The following SHISA9 variants were observed in gnomAD, a reference collection of about 807,000 sequenced individuals.
SHISA9 encodes the protein shisa family member 9.
A neutral mutation model predicts 38.0 loss-of-function variants in SHISA9; 13 were observed. The observed-to-expected ratio is 0.34, with a 90% CI of 0.22 to 0.54. The LOEUF (loss-of-function observed/expected upper bound fraction) is 0.54. Ranked by LOEUF, SHISA9 falls within the 20% of genes least tolerant of loss-of-function variation. The pLI is 0.91. For missense variants in SHISA9, 538 were observed against 575.8 expected, an observed-to-expected ratio of 0.93 and a Z score of 0.67; for synonymous variants, 275 against 242.0, an observed-to-expected ratio of 1.14 and a Z score of -1.27.
chr16:13,048,179 T>C lies in SHISA9; in HGVS notation c.691+131364T>C, dbSNP rs373338766. 1.2e-4 allele frequency among the ~76,000 whole-genome samples: 18 copies of C among 152,372 alleles called. No individual in the cohort carries two copies. In the East Asian group the frequency reaches 3.3e-3, roughly 28 times the overall value. On this transcript the variant is annotated intron_variant, in intron 2 of 4. Transcript: ENST00000558583. ...TGCACAGCGTATAACTCATCTCTTA[T>C]TTGTTTTCCCATATACTCCTGTTTT...
At chr16:13,283,358 G>A in the SHISA9 span, among the ~76,000 whole-genome samples, 17 of 152,096 alleles carry the variant, frequency 1.1e-4, no homozygotes, top group Non-Finnish European at 2.4e-4. Context: ...TTACTCTAGT[G>A]TATTAATCTG....
At chr16:13,444,982 CTATATATATATATATATATATATATATA>C in the SHISA9 span, among the ~76,000 whole-genome samples, 261 of 106,278 alleles carry the variant, frequency 2.5e-3, 5 homozygotes, top group African/African-American at 7.6e-3. Flanking sequence ...CCATGCCTAG[CTATATATATATATATATATATATATATA>C]TATATATATA....
chr16:13,466,639 A>G, the SHISA9 span, among the ~76,000 whole-genome samples: 49,661 of 152,138 alleles, frequency 0.33, 8,262 homozygotes, highest in East Asian at 0.39. Flanking sequence ...TCAAAAATGA[A>G]GATTGTAACT....
At chr16:13,546,926 C>T in the SHISA9 span, among the ~76,000 whole-genome samples, 2 of 152,164 alleles carry the variant, frequency 1.3e-5, no homozygotes, top group Non-Finnish European at 1.5e-5. Context: ...CTCATCCATG[C>T]AACTCTCCAA....
At chr16:13,477,154 G>A in the SHISA9 span, among the ~76,000 whole-genome samples, 4 of 152,164 alleles carry the variant, frequency 2.6e-5, no homozygotes, top group East Asian at 7.7e-4. Context: ...CTTGTCGCTG[G>A]AGAAATAAAA....
chr16:13,022,724 C>T (rs1367041900), intron 2 of SHISA9, among the ~76,000 whole-genome samples: 1 of 152,104 alleles, frequency 6.6e-6, no homozygotes, highest in Admixed American at 6.6e-5. Flanking sequence ...GCCTAGGTGT[C>T]CCGAGTAGCA....
intron 2 of SHISA9, among the ~76,000 whole-genome samples, chr16:13,005,275 T>A (rs1276416096): frequency 6.6e-6 from 1 of 152,132 alleles, no homozygotes; most frequent in African/African-American, 2.4e-5. Context: ...GAGAGATTAC[T>A]CCTGGAGATT....
At chr16:13,166,699 C>G (rs994114011) in intron 2 of SHISA9, among the ~76,000 whole-genome samples, 1 of 152,098 alleles carries the variant, frequency 6.6e-6, no homozygotes, top group Non-Finnish European at 1.5e-5. Flanking sequence ...GAGAAGCTGT[C>G]AAAAGTGAAG....
Position 13,167,435 on chromosome 16 carries a change from C to T in SHISA9, c.692-35959C>T, listed in dbSNP as rs145477090. On this transcript the variant is annotated intron_variant, in intron 2 of 4. Transcript: ENST00000558583. ...CTGCTCCTTTCTTCTCCTTAGAACA[C>T]TCGCCTCCCTTGACTTGTGCCTCTT... 2.8e-3 allele frequency among the ~76,000 whole-genome samples: 430 copies of T among 152,316 alleles called. 7 individuals carry two copies. Among genetic ancestry groups the T allele is most frequent in the Admixed American group, 0.024 (374 of 15,296 alleles).
At chr16:13,474,972 G>A in the SHISA9 span, among the ~76,000 whole-genome samples, 7 of 152,182 alleles carry the variant, frequency 4.6e-5, no homozygotes, top group African/African-American at 1.7e-4. Flanking sequence ...CCAAGCTCAG[G>A]AGTTTTATTC....
the SHISA9 span, among the ~76,000 whole-genome samples, chr16:13,308,276 T>G: frequency 3.9e-5 from 6 of 151,914 alleles, no homozygotes; most frequent in Non-Finnish European, 8.8e-5. Context: ...GGAAAGAAGC[T>G]TGTCTGGTGT....
At chr16:13,455,945 C>T in the SHISA9 span, among the ~76,000 whole-genome samples, 1 of 152,116 alleles carries the variant, frequency 6.6e-6, no homozygotes, top group Non-Finnish European at 1.5e-5. Flanking sequence ...TTCTTGTGGC[C>T]TGGAATTGGA....
chr16:13,206,510 A>C (rs550562750), intron 3 of SHISA9, among the ~76,000 whole-genome samples: 1 of 152,318 alleles, frequency 6.6e-6, no homozygotes, highest in Non-Finnish European at 1.5e-5. Context: ...TCACAAAACA[A>C]GCATTTTGGT....
intron 2 of SHISA9, among the ~76,000 whole-genome samples, chr16:13,046,875 A>C (rs2073194181): frequency 6.6e-6 from 1 of 152,134 alleles, no homozygotes; most frequent in African/African-American, 2.4e-5. Flanking sequence ...CTTATGCTTC[A>C]GTAGCAGCAC....
At chr16:13,023,534 C>G (rs1345345465) in intron 2 of SHISA9, among the ~76,000 whole-genome samples, 2 of 152,166 alleles carry the variant, frequency 1.3e-5, no homozygotes, top group African/African-American at 2.4e-5. Flanking sequence ...GGTATATACC[C>G]AGTAATGGGA....
chr16:13,482,516 G>A, the SHISA9 span, among the ~76,000 whole-genome samples: 11 of 152,266 alleles, frequency 7.2e-5, no homozygotes, highest in East Asian at 3.9e-4. Flanking sequence ...GAGACACTTC[G>A]AGGCCAGGTG....
intron 1 of SHISA9, among the ~76,000 whole-genome samples, chr16:12,913,152 T>C (rs1015924658): frequency 6.6e-6 from 1 of 152,208 alleles, no homozygotes; most frequent in African/African-American, 2.4e-5. Context: ...TTTTAATATA[T>C]AGGTTGGTGC....
intron 2 of SHISA9, among the ~76,000 whole-genome samples, chr16:13,002,390 G>A (rs182682620): frequency 6.6e-5 from 10 of 152,202 alleles, no homozygotes; most frequent in Non-Finnish European, 1.2e-4. Flanking sequence ...GGAGTTAGTC[G>A]TGATTATCCT....
chr16:13,478,242 T>C, the SHISA9 span, among the ~76,000 whole-genome samples: 1 of 152,218 alleles, frequency 6.6e-6, no homozygotes, highest in East Asian at 1.9e-4. Context: ...CATCCTCCTG[T>C]TTCTTATGCT....
Sources: allele counts gnomAD v4.1 joint callset (sites outside exome capture counted in the v4.1 genomes callset), GRCh38; gene constraint gnomAD v4.1.1; transcripts MANE v1.5; gene names NCBI Gene and HGNC (gene_info 2026-07-23, HGNC 2026-07-21).